PLEKHG1: variants seen among roughly 807,000 people sequenced by gnomAD.
PLEKHG1 encodes the protein pleckstrin homology domain-containing family G member 1.
PLEKHG1 carries 44 observed loss-of-function variants against 100.8 expected under a neutral mutation model. The ratio of observed to expected loss-of-function variants is 0.44; its 90% CI spans 0.34 to 0.56. PLEKHG1 has a LOEUF of 0.56. Ranked by LOEUF, PLEKHG1 falls within the 20% of genes least tolerant of loss-of-function variation. The pLI is 0.01. For missense variants in PLEKHG1, 1,545 were observed against 1,720.9 expected (o/e 0.90, Z 1.81); for synonymous variants, 640 against 662.5 (o/e 0.97, Z 0.52).
chr6:150,691,574 G>A (rs1562439726), intron 3 of PLEKHG1, among the ~76,000 whole-genome samples: 1 of 152,178 alleles, frequency 6.6e-6, no homozygotes, highest in Admixed American at 6.5e-5. Context: ...CCCTGTAGTC[G>A]AAAAGAAAGC....
intron 1 of PLEKHG1, among the ~76,000 whole-genome samples, chr6:150,610,437 C>T (rs1402439516): frequency 6.6e-6 from 1 of 152,208 alleles, no homozygotes; most frequent in Non-Finnish European, 1.5e-5. Context: ...TTTTGGTAAC[C>T]ATTTCGTTGT....
At chr6:150,792,163 C>A (rs1461155645) in intron 4 of PLEKHG1, among the ~76,000 whole-genome samples, 1 of 152,126 alleles carries the variant, frequency 6.6e-6, no homozygotes, top group African/African-American at 2.4e-5. Flanking sequence ...CACTTCCTAT[C>A]CTGGCCAACA....
At chr6:150,607,706 C>G (rs542908398) in intron 1 of PLEKHG1, among the ~76,000 whole-genome samples, 1 of 152,118 alleles carries the variant, frequency 6.6e-6, no homozygotes, top group Non-Finnish European at 1.5e-5. Context: ...AAAGGAAAAG[C>G]GTTTCCTTAC....
rs993582686 is a variant in PLEKHG1 at position 150,757,436 on chromosome 6, A to C, written c.412-11202A>C. ...CAGGAAATGTTTTCCTGCAATAATC[A>C]ATTGCCATTTTGATGTTTGGTGAAG... On this transcript the variant is annotated intron_variant, in intron 2 of 15. Transcript: ENST00000358517. 5.9e-5 allele frequency among the ~76,000 whole-genome samples: 9 copies of C among 152,366 alleles called. No individual in the cohort carries two copies. The East Asian group carries it at 1.7e-3, about 29-fold the overall frequency.
At chr6:150,684,385 C>T (rs537756377) in intron 3 of PLEKHG1, among the ~76,000 whole-genome samples, 1 of 152,308 alleles carries the variant, frequency 6.6e-6, no homozygotes, top group South Asian at 2.1e-4. Flanking sequence ...GACGAATGCA[C>T]AAAGGAGGTT....
At chr6:150,801,651 C>A (rs1264098215) in intron 6 of PLEKHG1, among the ~76,000 whole-genome samples, 1 of 151,708 alleles carries the variant, frequency 6.6e-6, no homozygotes, top group Non-Finnish European at 1.5e-5. Flanking sequence ...TGTTGCCCAG[C>A]CTGGTCTCGA....
At chr6:150,806,087 C>CG (rs1247700045) in intron 7 of PLEKHG1, among the ~76,000 whole-genome samples, 5 of 152,096 alleles carry the variant, frequency 3.3e-5, no homozygotes, top group South Asian at 2.1e-4. Context: ...TTGCCTAACT[C>CG]GGGAAAAAAG....
intron 2 of PLEKHG1, among the ~76,000 whole-genome samples, chr6:150,764,992 C>T (rs769094831): frequency 2.6e-5 from 4 of 152,014 alleles, no homozygotes; most frequent in Non-Finnish European, 5.9e-5. Context: ...ACTTGGCACA[C>T]ATTATTACAT....
rs1029472357 is a variant in PLEKHG1, at chr6:150,683,077, G to T, written c.-99+32291G>T. Reference sequence around the variant, plus strand: ...ACTACATCATCACAGCTTGACACACGTTTCTTCAATTGGCATGTGTTCTTT... The same window carrying T: ...ACTACATCATCACAGCTTGACACACTTTTCTTCAATTGGCATGTGTTCTTT... On this transcript the variant is annotated intron_variant, in intron 3 of 3. Coordinates refer to the PLEKHG1 transcript ENST00000367326. This position sits in a 1 kb window ranked among gnomAD's most constrained non-coding sequence, Gnocchi z 4.0. 6.6e-6 allele frequency among the ~76,000 whole-genome samples: 1 copy of T among 152,248 alleles called. No homozygotes were observed. Among genetic ancestry groups the T allele is most frequent in the African/African-American group, 2.4e-5 (1 of 41,458 alleles).
chr6:150,681,973 C>G (rs1779951045), intron 3 of PLEKHG1, among the ~76,000 whole-genome samples: 1 of 152,194 alleles, frequency 6.6e-6, no homozygotes, highest in South Asian at 2.1e-4. Flanking sequence ...TATGACTCCA[C>G]CCCGATTCTA....
intron 3 of PLEKHG1, among the ~76,000 whole-genome samples, chr6:150,682,686 A>T (rs530184886): frequency 6.6e-6 from 1 of 152,280 alleles, no homozygotes; most frequent in South Asian, 2.1e-4. Context: ...AGCCCTTCAC[A>T]CACGGGAGCA....
chr6:150,768,926 TTCTC>T, intron 3 of PLEKHG1, among the ~76,000 whole-genome samples, 188 bp downstream of exon 4: 1 of 152,082 alleles, frequency 6.6e-6, no homozygotes, highest in Non-Finnish European at 1.5e-5. Context: ...GTATTCCATA[TTCTC>T]TCTCTCTCCA....
chr6:150,818,352 T>C (rs1265173386), intron 11 of PLEKHG1, 136 bp downstream of exon 12: 7 of 706,424 alleles, frequency 9.9e-6, no homozygotes, highest in Non-Finnish European at 1.7e-5. Flanking sequence ...ACAAATTGGG[T>C]AGACAGTATA....
At chr6:150,699,067 T>C (rs1268893893) in intron 3 of PLEKHG1, among the ~76,000 whole-genome samples, 2 of 152,194 alleles carry the variant, frequency 1.3e-5, no homozygotes, top group African/African-American at 4.8e-5. Flanking sequence ...TAACTGTCCT[T>C]AAAACTGGTG....
intron 3 of PLEKHG1, among the ~76,000 whole-genome samples, chr6:150,655,436 C>T (rs1043697299): frequency 2.0e-5 from 3 of 152,116 alleles, no homozygotes; most frequent in South Asian, 2.1e-4. Context: ...TGGCCAGGTG[C>T]GGTGGCTCAC....
chr6:150,795,998 C>A, intron 5 of PLEKHG1, 96 bp downstream of exon 6: 2 of 806,418 alleles, frequency 2.5e-6, no homozygotes, highest in South Asian at 1.5e-5. Flanking sequence ...CATTCTGTGC[C>A]TGGCCTTGTG....
chr6:150,612,948 G>A (rs942492344), intron 1 of PLEKHG1, among the ~76,000 whole-genome samples: 3 of 152,144 alleles, frequency 2.0e-5, no homozygotes, highest in South Asian at 2.1e-4. Context: ...TTCATATGTC[G>A]GTTAGCTCAA....
chr6:150,733,947 C>T (rs768881283), exon 2 of PLEKHG1: 15 of 1,614,064 alleles, frequency 9.3e-6, no homozygotes, highest in South Asian at 4.4e-5. Flanking sequence ...CCACCCAGAG[C>T]GCAGTGGAGA....
At chr6:150,641,807 A>G (rs1243617491) in intron 2 of PLEKHG1, among the ~76,000 whole-genome samples, 2 of 139,184 alleles carry the variant, frequency 1.4e-5, no homozygotes, top group African/African-American at 2.6e-5. Context: ...ACTCTGTGAT[A>G]TATTTGGAAG....
Sources: allele counts gnomAD v4.1 joint callset (sites outside exome capture counted in the v4.1 genomes callset), GRCh38; gene constraint gnomAD v4.1.1; non-coding constraint Gnocchi (gnomAD v3.1); transcripts MANE v1.5; gene names NCBI Gene and HGNC (gene_info 2026-07-23, HGNC 2026-07-21).